HERC3: variants seen among roughly 807,000 people sequenced by gnomAD.
The protein encoded by HERC3 is probable E3 ubiquitin-protein ligase HERC3.
In HERC3, 58 loss-of-function variants were observed where a neutral mutation model predicts 129.9. That is an observed-to-expected ratio of 0.45 (90% CI 0.36 to 0.56). The LOEUF is 0.56. HERC3 is among the 20% of genes least tolerant of loss of function. The pLI is 0.00. For missense variants in HERC3, 835 were observed against 1,244.2 expected (o/e 0.67, Z 4.95); for synonymous variants, 430 against 451.0 (o/e 0.95, Z 0.59).
the HERC3 span, among the ~76,000 whole-genome samples, chr4:88,560,929 G>A: frequency 1.3e-5 from 2 of 152,026 alleles, no homozygotes; most frequent in African/African-American, 4.8e-5. Flanking sequence ...TCTCTAATCT[G>A]ACTCATTCGT....
At chr4:88,701,015 G>GA (rs1218478441) in intron 23 of HERC3, among the ~76,000 whole-genome samples, 1 of 152,154 alleles carries the variant, frequency 6.6e-6, no homozygotes, top group Non-Finnish European at 1.5e-5. Flanking sequence ...ATCCAGACTG[G>GA]TGTTTGACCA....
chr4:88,555,314 A>G, the HERC3 span, among the ~76,000 whole-genome samples: 3 of 151,532 alleles, frequency 2.0e-5, no homozygotes, highest in Non-Finnish European at 4.4e-5. Flanking sequence ...AAAAGAAATT[A>G]TATGGAATTA....
At chr4:88,656,660 C>G (rs1729934482) in intron 9 of HERC3, 1 of 152,364 alleles carries the variant, frequency 6.6e-6, no homozygotes, top group South Asian at 2.1e-4. Context: ...TACATTCAAA[C>G]TATACCAGTT....
chr4:88,565,795 G>A, the HERC3 span, among the ~76,000 whole-genome samples: 12 of 152,220 alleles, frequency 7.9e-5, no homozygotes, highest in African/African-American at 2.9e-4. Flanking sequence ...GCAAACAAAA[G>A]CTGAGGGTTT....
chr4:88,628,558 A>G (rs1296026840), intron 3 of HERC3, among the ~76,000 whole-genome samples: 1 of 152,130 alleles, frequency 6.6e-6, no homozygotes, highest in African/African-American at 2.4e-5. Flanking sequence ...GAAGACTGCA[A>G]TTTCAGAGAT....
At chr4:88,668,270 A>G (rs550950829) in intron 14 of HERC3, among the ~76,000 whole-genome samples, 189 bp downstream of exon 14, 2 of 152,258 alleles carry the variant, frequency 1.3e-5, no homozygotes, top group Admixed American at 1.3e-4. Flanking sequence ...TAAAACCATT[A>G]TTTAGATTAT....
the HERC3 span, among the ~76,000 whole-genome samples, chr4:88,547,328 A>C: frequency 1.3e-5 from 2 of 152,208 alleles, no homozygotes; most frequent in African/African-American, 4.8e-5. Context: ...TATACTTATA[A>C]ATTTGTTTAA....
At chr4:88,557,545 A>G in the HERC3 span, among the ~76,000 whole-genome samples, 1 of 152,226 alleles carries the variant, frequency 6.6e-6, no homozygotes, top group African/African-American at 2.4e-5. Flanking sequence ...ATACAAGTGT[A>G]TATATGTATA....
rs1578127180 is a variant in HERC3, at chr4:88,593,607, T to G, written c.-88+1033T>G. On this transcript the variant is annotated intron_variant, in intron 1 of 25. Coordinates refer to ENST00000402738, the MANE Select transcript of HERC3 (RefSeq NM_014606.3). The stretch of plus-strand genomic sequence containing the variant: ...AAGTACCTAATTCAGAGAAAAGCCT[T>G]CCAGGATTTTGCTTGCATTCATCAC... 2.0e-5 allele frequency: 3 copies of G among 152,342 alleles called. No homozygotes were observed. In the South Asian group the frequency reaches 6.2e-4, roughly 32 times the overall value. The allele number at this position is 152,342 out of a possible 1,614,324, so 9.4% of individuals were successfully genotyped here. A position where few individuals can be genotyped will look rare whatever the true frequency, so the allele number is the denominator to read the frequency against.
intron 6 of HERC3, among the ~76,000 whole-genome samples, chr4:88,653,359 A>G (rs1167436155): frequency 6.6e-6 from 1 of 152,242 alleles, no homozygotes; most frequent in African/African-American, 2.4e-5. Flanking sequence ...ATGTTTGAGC[A>G]GAACCTGTAG....
chr4:88,574,047 T>C, the HERC3 span, among the ~76,000 whole-genome samples: 1 of 152,194 alleles, frequency 6.6e-6, no homozygotes, highest in Non-Finnish European at 1.5e-5. Context: ...CAGGTTTCCC[T>C]ATCCCCATCT....
chr4:88,647,686 TA>T lies in HERC3; in HGVS notation c.227-2147del, dbSNP rs570517013. 2.6e-3 allele frequency among the ~76,000 whole-genome samples: 398 copies of T among 152,156 alleles called. 1 individual carries two copies. The highest frequency in any genetic ancestry group is 0.014 in the South Asian group (69 of 4,814). The stretch of plus-strand genomic sequence containing the variant: ...TCTCTGGCATGAGCATATTTTCAGT[TA>T]AAAAAAGTGTTATTGTTTTGAAGGA... On this transcript the variant is annotated intron_variant, in intron 3 of 25. Transcript: ENST00000402738.
the HERC3 span, among the ~76,000 whole-genome samples, chr4:88,545,653 T>G: frequency 6.6e-6 from 1 of 152,050 alleles, no homozygotes; most frequent in Non-Finnish European, 1.5e-5. Flanking sequence ...CTCAAACTCC[T>G]GGGCTCAAAG....
intron 3 of HERC3, among the ~76,000 whole-genome samples, chr4:88,648,182 G>A (rs1728901372): frequency 6.6e-6 from 1 of 151,936 alleles, no homozygotes; most frequent in Non-Finnish European, 1.5e-5. Flanking sequence ...AACTCATAAT[G>A]CTCTAAAACT....
At chr4:88,677,698 A>G (rs1299960619) in intron 18 of HERC3, among the ~76,000 whole-genome samples, 1 of 152,172 alleles carries the variant, frequency 6.6e-6, no homozygotes, top group Non-Finnish European at 1.5e-5. Flanking sequence ...TTTAGTATTA[A>G]TCAGCTAGTT....
At chr4:88,536,972 G>A in the HERC3 span, among the ~76,000 whole-genome samples, 1 of 151,996 alleles carries the variant, frequency 6.6e-6, no homozygotes, top group Non-Finnish European at 1.5e-5. Flanking sequence ...CTTTCACCTG[G>A]ATTTCTTAAA....
In HERC3 at chr4:88,670,339, TGTCAGTGTGTCAC is replaced by T. The variant is rs992796627; in HGVS notation, c.1911+88_1911+100del. 169 of 832,374 alleles carry T rather than the reference TGTCAGTGTGTCAC, an allele frequency of 2.0e-4. 1 individual carries two copies. The highest frequency in any genetic ancestry group is 3.6e-4 in the Middle Eastern group (1 of 2,816). 51.6% of individuals were successfully genotyped at this position (832,374 alleles called of 1,614,324 possible). A position where few individuals can be genotyped will look rare whatever the true frequency, so the allele number is the denominator to read the frequency against. The stretch of plus-strand genomic sequence containing the variant: ...CTGTATAATATGTCTTTGACTTTGA[TGTCAGTGTGTCAC>T]CTATTCTTCATCCAGCTGGCCTTTT... On this transcript the variant is annotated intron_variant, in intron 16 of 25. Coordinates refer to ENST00000402738, the MANE Select transcript of HERC3 (RefSeq NM_014606.3).
At chr4:88,619,591 A>G (rs943134645) in intron 3 of HERC3, among the ~76,000 whole-genome samples, 3 of 152,252 alleles carry the variant, frequency 2.0e-5, no homozygotes, top group African/African-American at 4.8e-5. Flanking sequence ...TCCTGAAGCC[A>G]TAAGAGAAAT....
At chr4:88,628,022 T>C (rs1442137521) in intron 3 of HERC3, among the ~76,000 whole-genome samples, 1 of 152,158 alleles carries the variant, frequency 6.6e-6, no homozygotes, top group Non-Finnish European at 1.5e-5. Flanking sequence ...TGCATTGCAC[T>C]GTTCATGGGT....
Sources: allele counts gnomAD v4.1 joint callset (sites outside exome capture counted in the v4.1 genomes callset), GRCh38; gene constraint gnomAD v4.1.1; transcripts MANE v1.5; gene names NCBI Gene and HGNC (gene_info 2026-07-23, HGNC 2026-07-21).